The following LRIG3 variants were observed in gnomAD, a reference collection of about 807,000 sequenced individuals.
The protein encoded by LRIG3 is leucine-rich repeats and immunoglobulin-like domains protein 3.
A neutral mutation model predicts 114.5 loss-of-function variants in LRIG3; 76 were observed. That is an observed-to-expected ratio of 0.66 (90% CI 0.55 to 0.80). The LOEUF (loss-of-function observed/expected upper bound fraction) is 0.80, where lower values mean the gene tolerates loss of function less well. LRIG3 is among the 30% of genes least tolerant of loss of function. The pLI, the probability that LRIG3 is intolerant of heterozygous loss-of-function variation, is 0.00. For missense variants in LRIG3, 1,239 were observed against 1,382.8 expected, an observed-to-expected ratio of 0.90 and a Z score of 1.65; for synonymous variants, 512 against 519.8, an observed-to-expected ratio of 0.98 and a Z score of 0.20.
In LRIG3 at chr12:58,917,220, C is replaced by T. The variant is rs544969822; in HGVS notation, c.236+2780G>A. Among the ~76,000 whole-genome samples, 47 of 152,216 alleles carry T rather than the reference C, an allele frequency of 3.1e-4. No homozygotes were observed. The South Asian group carries it at 4.0e-3, about 13-fold the overall frequency. On this transcript the variant is annotated intron_variant, in intron 1 of 18. Transcript: ENST00000320743. Reference sequence around the variant, plus strand: ...CAGCAGAAACTACCTTTGGGACTTTCGCCTGGGTCCTGTTGAGAACTCAAA... The same window carrying T: ...CAGCAGAAACTACCTTTGGGACTTTTGCCTGGGTCCTGTTGAGAACTCAAA...
intron 18 of LRIG3, 113 bp downstream of exon 18, chr12:58,873,942 C>A: frequency 8.0e-7 from 1 of 1,248,738 alleles, no homozygotes; most frequent in Non-Finnish European, 1.1e-6. Context: ...ATGGCAGCCT[C>A]ATTCAAGAAA....
intron 14 of LRIG3, among the ~76,000 whole-genome samples, chr12:58,878,583 C>T (rs192356986): frequency 2.6e-4 from 39 of 152,220 alleles, no homozygotes; most frequent in Non-Finnish European, 5.0e-4. Context: ...AACTTTTCCT[C>T]GGCCCCTCTC....
At chr12:58,889,075 G>A in intron 5 of LRIG3, 113 bp from the exon 6 acceptor site, 1 of 971,960 alleles carries the variant, frequency 1.0e-6, no homozygotes, top group Non-Finnish European at 1.5e-6. Context: ...ATTACATACA[G>A]TGTTTTCAGT....
intron 3 of LRIG3, among the ~76,000 whole-genome samples, chr12:58,910,471 G>A (rs1872235070): frequency 2.6e-5 from 4 of 152,292 alleles, no homozygotes; most frequent in Admixed American, 2.0e-4. Flanking sequence ...AACTGGGCGT[G>A]GCAGCATGCG....
intron 18 of LRIG3, chr12:58,873,510 G>GA: frequency 6.4e-6 from 1 of 156,610 alleles, no homozygotes; most frequent in East Asian, 1.9e-4. Flanking sequence ...TGCATCAGAC[G>GA]AAAAAATTCA....
rs201479098 is a variant in LRIG3 at position 58,877,815 on chromosome 12, A to G, written c.2121T>C (p.Thr707=). ...GGACGGCTGTTTCTCCCTTGGTTAC[A>G]GTTCGGTCCAACAGTGGCCGCAAAA... The part of the protein sequence containing the change: ...PSFLRPLLDR[T]VTKGETAVLQ... The change falls in exon 15 of 19, where the codon ACT becomes ACC. Residue 707 remains threonine, a synonymous_variant. Transcript: ENST00000320743. The G allele has an allele frequency of 2.6e-5, 42 of 1,613,070 alleles. No homozygotes were observed. In the African/African-American group the frequency reaches 5.1e-4, roughly 19 times the overall value.
intron 3 of LRIG3, chr12:58,913,512 T>C (rs1872359082): frequency 6.6e-6 from 1 of 152,630 alleles, no homozygotes; most frequent in African/African-American, 2.4e-5. Context: ...CTCTGAACTC[T>C]GATTTACACT....
At chr12:58,909,709 G>C (rs1010099522) in intron 3 of LRIG3, among the ~76,000 whole-genome samples, 3 of 152,216 alleles carry the variant, frequency 2.0e-5, no homozygotes, top group African/African-American at 7.2e-5. Context: ...AGAGATGACT[G>C]ACACAGTCAG....
Position 58,877,793 on chromosome 12 carries a change from C to T in LRIG3, c.2143G>A (p.Val715Ile), listed in dbSNP as rs374158553. Residue 715 changes from valine to isoleucine, a missense_variant, in exon 15 of 19, where the codon GTC becomes ATC. By Grantham distance (29) the Val-to-Ile change is conservative. Transcript: ENST00000320743. ...CTTCCTCCAGCAATGCACTGTAGGA[C>T]GGCTGTTTCTCCCTTGGTTACAGTT... Reference protein sequence around the residue: ...DRTVTKGETAVLQCIAGGSPP... With the variant: ...DRTVTKGETAILQCIAGGSPP... The T allele has an allele frequency of 1.5e-5, 24 of 1,614,002 alleles. No individual in the cohort carries two copies. The highest frequency in any genetic ancestry group is 5.0e-5 in the Admixed American group (3 of 59,992).
At chr12:58,914,605 T>C (rs998240805) in intron 1 of LRIG3, 1 of 352,496 alleles carries the variant, frequency 2.8e-6, no homozygotes, top group African/African-American at 2.1e-5. Context: ...AACAGATCTT[T>C]TGTGAACTGG....
chr12:58,897,909 T>C (rs1871700432), intron 3 of LRIG3, among the ~76,000 whole-genome samples: 1 of 152,214 alleles, frequency 6.6e-6, no homozygotes, highest in Non-Finnish European at 1.5e-5. Context: ...TCTCCCCTAC[T>C]AGGCTTGTGA....
intron 3 of LRIG3, among the ~76,000 whole-genome samples, chr12:58,908,378 C>CA (rs1194034387): frequency 6.6e-6 from 1 of 152,062 alleles, no homozygotes; most frequent in African/African-American, 2.4e-5. Flanking sequence ...CAGGGCCTGT[C>CA]AAAGTAGTTC....
chr12:58,915,925 T>C (rs1872466974), intron 1 of LRIG3, among the ~76,000 whole-genome samples: 1 of 152,048 alleles, frequency 6.6e-6, no homozygotes, highest in Non-Finnish European at 1.5e-5. Flanking sequence ...GTAGCCTGAG[T>C]CAACAGAAAG....
chr12:58,909,420 T>C (rs955907762), intron 3 of LRIG3, among the ~76,000 whole-genome samples: 2 of 152,198 alleles, frequency 1.3e-5, no homozygotes, highest in African/African-American at 2.4e-5. Context: ...GAACTGATGT[T>C]ATCTTTTCTT....
At chr12:58,879,774 C>T (rs1871055643) in intron 13 of LRIG3, among the ~76,000 whole-genome samples, 1 of 152,188 alleles carries the variant, frequency 6.6e-6, no homozygotes, top group Admixed American at 6.5e-5. Flanking sequence ...TTGCTACATC[C>T]TTTACACATA....
intron 12 of LRIG3, among the ~76,000 whole-genome samples, chr12:58,881,616 A>G (rs975609277): frequency 1.1e-4 from 16 of 152,186 alleles, no homozygotes; most frequent in Non-Finnish European, 1.8e-4. Context: ...ATTTTGGAAA[A>G]GTTACCTTTT....
intron 5 of LRIG3, among the ~76,000 whole-genome samples, 166 bp from the exon 6 acceptor site, chr12:58,889,128 G>A (rs991595439): frequency 1.2e-4 from 19 of 152,144 alleles, no homozygotes; most frequent in African/African-American, 4.3e-4. Flanking sequence ...TTGTTAAGCA[G>A]GCAGTGAATT....
intron 3 of LRIG3, among the ~76,000 whole-genome samples, chr12:58,912,124 C>T (rs902557520): frequency 3.0e-4 from 45 of 152,194 alleles, no homozygotes; most frequent in African/African-American, 1.1e-3. Context: ...GAGAAGAGGA[C>T]AAATTTTAAA....
At chr12:58,893,609 A>G (rs933038222) in intron 3 of LRIG3, among the ~76,000 whole-genome samples, 1 of 152,204 alleles carries the variant, frequency 6.6e-6, no homozygotes, top group Non-Finnish European at 1.5e-5. Flanking sequence ...ACAATTAGTC[A>G]ATTCCTAGGT....
Sources: allele counts gnomAD v4.1 joint callset (sites outside exome capture counted in the v4.1 genomes callset), GRCh38; gene constraint gnomAD v4.1.1; transcripts MANE v1.5; gene names NCBI Gene and HGNC (gene_info 2026-07-23, HGNC 2026-07-21).